ZKSCAN8: variants seen among roughly 807,000 people sequenced by gnomAD.
ZKSCAN8 encodes zinc finger with KRAB and SCAN domains 8.
A neutral mutation model predicts 57.2 loss-of-function variants in ZKSCAN8; 27 were observed. The observed-to-expected ratio is 0.47, with a 90% confidence interval of 0.35 to 0.65. The LOEUF is 0.65. Among genes scored for constraint, ZKSCAN8 ranks in the 30% least tolerant of loss-of-function variants. The pLI is 0.01. For missense variants in ZKSCAN8, 597 were observed against 696.3 expected, an observed-to-expected ratio of 0.86 and a Z score of 1.60; for synonymous variants, 214 against 248.7, an observed-to-expected ratio of 0.86 and a Z score of 1.31.
At chr6:28,145,281 A>G (rs530356020) in intron 1 of ZKSCAN8, among the ~76,000 whole-genome samples, 1 of 152,270 alleles carries the variant, frequency 6.6e-6, no homozygotes, top group South Asian at 2.1e-4. Context: ...GGTAAGGACA[A>G]TATTGCCATC....
Position 28,156,347 on chromosome 6 carries a change from T to C in ZKSCAN8, c.*2330T>C, listed in dbSNP as rs1765783126. The stretch of plus-strand genomic sequence containing the variant: ...TACAGATGTACTAGCTAAAGTCTCT[T>C]TATGTGTCAGTATTAAGAGTAATAT... On this transcript the variant is annotated 3_prime_UTR_variant, in exon 6 of 6. Transcript: ENST00000330236. The C allele has an allele frequency of 5.0e-6, 2 of 396,634 alleles. No homozygotes were observed. The highest frequency in any genetic ancestry group is 8.8e-5 in the Admixed American group (2 of 22,696). 24.6% of individuals were successfully genotyped at this position (396,634 alleles called of 1,614,324 possible).
chr6:28,143,280 G>C lies in ZKSCAN8; in HGVS notation c.-93+1251G>C, dbSNP rs564932742. Among the ~76,000 whole-genome samples, 16 of 152,296 alleles carry C rather than the reference G, an allele frequency of 1.1e-4. No homozygotes were observed. The East Asian group carries it at 3.1e-3, about 29-fold the overall frequency. ...AATTCTCAAAAACCAGCTGATCAGA[G>C]AGGGAAGAGACTTAAAAAAATGGAA... On this transcript the variant is annotated intron_variant, in intron 1 of 5. Coordinates refer to ENST00000330236, the MANE Select transcript of ZKSCAN8 (RefSeq NM_006298.4).
chr6:28,151,360 C>A (rs563350566), intron 3 of ZKSCAN8, among the ~76,000 whole-genome samples: 23 of 152,156 alleles, frequency 1.5e-4, no homozygotes, highest in African/African-American at 3.9e-4. Context: ...GTCTAAAGTC[C>A]TAAAGCTTGT....
In ZKSCAN8 at chr6:28,155,144, A is replaced by G. The variant is rs1765742135; in HGVS notation, c.*1127A>G. 6.6e-6 allele frequency: 1 copy of G among 152,336 alleles called. No homozygotes were observed. The highest frequency in any genetic ancestry group is 1.5e-5 in the Non-Finnish European group (1 of 68,022). 9.4% of individuals were successfully genotyped at this position (152,336 alleles called of 1,614,324 possible). On this transcript the variant is annotated 3_prime_UTR_variant, in exon 6 of 6. Coordinates refer to ENST00000330236, the MANE Select transcript of ZKSCAN8 (RefSeq NM_006298.4). ...CATCTGTTTCTTGCCATTAGTTTAT[A>G]TGACTTTAATATCCACAGTGGTAAT... is the stretch of plus-strand genomic sequence containing the variant.
intron 2 of ZKSCAN8, 98 bp from the exon 3 acceptor site, chr6:28,149,385 C>T: frequency 6.9e-7 from 1 of 1,457,488 alleles, no homozygotes; most frequent in Non-Finnish European, 9.3e-7. Context: ...CTTCCTTCCC[C>T]AAGCATATAT....
At chr6:28,152,810 A>G (rs1765635600) in intron 5 of ZKSCAN8, among the ~76,000 whole-genome samples, 1 of 151,902 alleles carries the variant, frequency 6.6e-6, no homozygotes, top group Admixed American at 6.6e-5. Flanking sequence ...ACTTCAGTTC[A>G]TCCTTTCCTG....
chr6:28,154,015 T>C lies in ZKSCAN8; in HGVS notation c.1735T>C (p.Ter579GlnextTer47), dbSNP rs748049885. The C allele has an allele frequency of 1.9e-6, 3 of 1,587,428 alleles. No homozygotes were observed. The East Asian group carries it at 6.7e-5, about 35-fold the overall frequency. Residue 579 changes from the stop codon to glutamine (Q), a stop_lost, in exon 6 of 6, where the codon TAG becomes CAG. Coordinates refer to ENST00000330236, the MANE Select transcript of ZKSCAN8 (RefSeq NM_006298.4). ...TGAAAAATCTGAATCCATAAGCGTT[T>C]AGGAACAACATCAGTTAGAGTTTGA... ...SGEKSESISV[*>Q]
In ZKSCAN8 at chr6:28,157,912, G is replaced by A. The variant is rs1200827970; in HGVS notation, c.*3895G>A. ...AGTAAGTTCATCTACAGCATAAAAT[G>A]TGAAATGCTTTCATCCTCATTGCCC... On this transcript the variant is annotated 3_prime_UTR_variant, in exon 6 of 6. Coordinates refer to ENST00000330236, the MANE Select transcript of ZKSCAN8 (RefSeq NM_006298.4). 2.6e-5 allele frequency: 4 copies of A among 152,190 alleles called. No homozygotes were observed. The highest frequency in any genetic ancestry group is 9.7e-5 in the African/African-American group (4 of 41,442). The allele number at this position is 152,190 out of a possible 1,614,324, so 9.4% of individuals were successfully genotyped here.
chr6:28,153,436 G>T lies in ZKSCAN8; in HGVS notation c.1156G>T (p.Ala386Ser). The stretch of plus-strand genomic sequence containing the variant: ...CTATCACTGTAAGGAGTGTGGCAAA[G>T]CCTTCAGTCAGAACACAGGCCTGAT... Reference protein sequence around the residue: ...KRYHCKECGKAFSQNTGLILH... With the variant: ...KRYHCKECGKSFSQNTGLILH... Residue 386 changes from alanine to serine, a missense_variant, in exon 6 of 6, where the codon GCC (alanine) becomes TCC (serine). Transcript: ENST00000330236. The T allele has an allele frequency of 6.2e-7, 1 of 1,614,126 alleles. No individual in the cohort carries two copies. The highest frequency in any genetic ancestry group is 1.1e-5 in the South Asian group (1 of 91,084).
chr6:28,157,533 T>C lies in ZKSCAN8; in HGVS notation c.*3516T>C, dbSNP rs1372311451. The C allele has an allele frequency of 6.6e-6, 1 of 152,226 alleles. No individual in the cohort carries two copies. Among genetic ancestry groups the C allele is most frequent in the African/African-American group, 2.4e-5 (1 of 41,448 alleles). 9.4% of individuals were successfully genotyped at this position (152,226 alleles called of 1,614,324 possible). A position where few individuals can be genotyped will look rare whatever the true frequency, so the allele number is the denominator to read the frequency against. On this transcript the variant is annotated 3_prime_UTR_variant, in exon 6 of 6. Coordinates refer to ENST00000330236, the MANE Select transcript of ZKSCAN8 (RefSeq NM_006298.4). ...GCCTGTTCTGACTACTGTGCTAAGG[T>C]GTGTATAATGAACATGGTAATTCTA...
chr6:28,143,399 G>C (rs549001599), intron 1 of ZKSCAN8, among the ~76,000 whole-genome samples: 136 of 152,276 alleles, frequency 8.9e-4, no homozygotes, highest in Middle Eastern at 3.4e-3. Context: ...TAATTAGCTG[G>C]TTTTCATCAG....
Position 28,154,126 on chromosome 6 carries a change from T to G in ZKSCAN8, c.*109T>G. The G allele has an allele frequency of 6.8e-7, 1 of 1,465,726 alleles. No individual in the cohort carries two copies. Among genetic ancestry groups the G allele is most frequent in the Non-Finnish European group, 9.0e-7 (1 of 1,105,210 alleles). The allele number at this position is 1,465,726 out of a possible 1,614,324, so 90.8% of individuals were successfully genotyped here. A position where few individuals can be genotyped will look rare whatever the true frequency, so the allele number is the denominator to read the frequency against. On this transcript the variant is annotated 3_prime_UTR_variant, in exon 6 of 6. Coordinates refer to ENST00000330236, the MANE Select transcript of ZKSCAN8 (RefSeq NM_006298.4). ...CAGAAAGGTCATCACAACTTTAGTGTCAGAATCTATAGTGGTGGCAAAGTT... is the reference window on the plus strand; with the variant it reads ...CAGAAAGGTCATCACAACTTTAGTGGCAGAATCTATAGTGGTGGCAAAGTT...
chr6:28,152,014 G>C, intron 4 of ZKSCAN8, 78 bp downstream of exon 4: 1 of 1,535,698 alleles, frequency 6.5e-7, no homozygotes, highest in Non-Finnish European at 9.0e-7. Context: ...TATCTTGACT[G>C]TCTAGTTTGT....
At position 28,153,037 on chromosome 6, in the gene ZKSCAN8, T is replaced by C; in HGVS notation, c.776-19T>C. ...TTGTGACATTGGCTTGATGTTTGTTTATTACATTTTTATTTCAGGTGGTGA... is the reference window on the plus strand; with the variant it reads ...TTGTGACATTGGCTTGATGTTTGTTCATTACATTTTTATTTCAGGTGGTGA... On this transcript the variant is annotated intron_variant, in intron 5 of 5. Transcript: ENST00000330236. 1 of 1,611,320 alleles carries C rather than the reference T, an allele frequency of 6.2e-7. No individual in the cohort carries two copies. Among genetic ancestry groups the C allele is most frequent in the African/African-American group, 1.3e-5 (1 of 74,926 alleles).
In ZKSCAN8 at chr6:28,156,826, C is replaced by G. The variant is rs975994528; in HGVS notation, c.*2809C>G. 1 of 152,120 alleles carries G rather than the reference C, an allele frequency of 6.6e-6. No homozygotes were observed. Among genetic ancestry groups the G allele is most frequent in the Non-Finnish European group, 1.5e-5 (1 of 68,028 alleles). 9.4% of individuals were successfully genotyped at this position (152,120 alleles called of 1,614,324 possible). A position where few individuals can be genotyped will look rare whatever the true frequency, so the allele number is the denominator to read the frequency against. On this transcript the variant is annotated 3_prime_UTR_variant, in exon 6 of 6. Transcript: ENST00000330236. ...AACTCTAATGCCATCCAACATAGCC[C>G]TGGGAGAGGCATGTTAGGTTTCAGA...
rs188366408 is a variant in ZKSCAN8, at chr6:28,146,455, C to T, written c.-92-1861C>T. Among the ~76,000 whole-genome samples the T allele has an allele frequency of 3.7e-3, 561 of 152,250 alleles. 7 individuals carry two copies. The highest frequency in any genetic ancestry group is 0.011 in the Admixed American group (175 of 15,294). ...GTCCTTTAAGAAAGTAGTGTCGGTACTGATGAAAGAAGTCAAAGAAGACTT... is the reference window on the plus strand; with the variant it reads ...GTCCTTTAAGAAAGTAGTGTCGGTATTGATGAAAGAAGTCAAAGAAGACTT... On this transcript the variant is annotated intron_variant, in intron 1 of 5. Coordinates refer to ENST00000330236, the MANE Select transcript of ZKSCAN8 (RefSeq NM_006298.4).
Position 28,158,825 on chromosome 6 carries a change from A to G in ZKSCAN8, c.*4808A>G, listed in dbSNP as rs1188200325. The G allele has an allele frequency of 6.6e-6, 1 of 152,146 alleles. No individual in the cohort carries two copies. The highest frequency in any genetic ancestry group is 1.5e-5 in the Non-Finnish European group (1 of 68,034). The allele number at this position is 152,146 out of a possible 1,614,324, so 9.4% of individuals were successfully genotyped here. A position where few individuals can be genotyped will look rare whatever the true frequency, so the allele number is the denominator to read the frequency against. On this transcript the variant is annotated 3_prime_UTR_variant, in exon 6 of 6. Coordinates refer to ENST00000330236, the MANE Select transcript of ZKSCAN8 (RefSeq NM_006298.4). The stretch of plus-strand genomic sequence containing the variant: ...AAAATTTTCATTTTCAGTAACACCC[A>G]GTAGATAATTTTTCAAAGACGATCC...
intron 1 of ZKSCAN8, among the ~76,000 whole-genome samples, chr6:28,142,680 A>C (rs1561816271): frequency 6.6e-6 from 1 of 152,208 alleles, no homozygotes; most frequent in Non-Finnish European, 1.5e-5. Context: ...AATTTTTGTC[A>C]GGCTACTTTG....
Position 28,148,323 on chromosome 6 carries a change from C to G in ZKSCAN8, c.-85C>G. On this transcript the variant is annotated 5_prime_UTR_variant, in exon 2 of 6. Coordinates refer to ENST00000330236, the MANE Select transcript of ZKSCAN8 (RefSeq NM_006298.4). ...CATATTTTCTTCATGAAGAAGTACCCTTAGAAAGAGGCCCTCAGAAGAGTC... is the reference window on the plus strand; with the variant it reads ...CATATTTTCTTCATGAAGAAGTACCGTTAGAAAGAGGCCCTCAGAAGAGTC... 1 of 1,411,416 alleles carries G rather than the reference C, an allele frequency of 7.1e-7. No individual in the cohort carries two copies. The highest frequency in any genetic ancestry group is 1.4e-5 in the South Asian group (1 of 70,606). 87.4% of individuals were successfully genotyped at this position (1,411,416 alleles called of 1,614,324 possible). A position where few individuals can be genotyped will look rare whatever the true frequency, so the allele number is the denominator to read the frequency against.
Sources: allele counts gnomAD v4.1 joint callset (sites outside exome capture counted in the v4.1 genomes callset), GRCh38; gene constraint gnomAD v4.1.1; transcripts MANE v1.5; gene names NCBI Gene and HGNC (gene_info 2026-07-23, HGNC 2026-07-21).